The following FAT4 variants were observed in gnomAD, a reference collection of about 807,000 sequenced individuals.
The protein encoded by FAT4 is FAT atypical cadherin 4, also known as protocadherin Fat 4.
A neutral mutation model predicts 303.9 loss-of-function variants in FAT4; 84 were observed. The ratio of observed to expected loss-of-function variants is 0.28; its 90% CI spans 0.23 to 0.33. FAT4 has a LOEUF of 0.33. Ranked by LOEUF, FAT4 falls within the 10% of genes least tolerant of loss-of-function variation. FAT4 has a pLI of 1.00. For synonymous variants in FAT4, 2,307 were observed against 2,298.8 expected (o/e 1.00, Z -0.10); for missense variants, 6,005 against 6,146.8 (o/e 0.98, Z 0.77).
intron 2 of FAT4, among the ~76,000 whole-genome samples, chr4:125,345,941 T>G (rs2125973075): frequency 6.6e-6 from 1 of 152,202 alleles, no homozygotes; most frequent in South Asian, 2.1e-4. Flanking sequence ...GTTTTCTTAT[T>G]TAATTTGCTT....
chr4:125,476,320 C>G, intron 13 of FAT4, 64 bp downstream of exon 13: 1 of 857,056 alleles, frequency 1.2e-6, no homozygotes, highest in Non-Finnish European at 1.8e-6. Flanking sequence ...AACTTTATAC[C>G]TAAAAATAAT....
At position 125,398,873 on chromosome 4, in the gene FAT4, T is replaced by C. The variant is rs2126012754; in HGVS notation, c.5265T>C (p.Asp1755=). The change falls in exon 3 of 18, where the codon GAT becomes GAC. Residue 1755 remains aspartate (D), a synonymous_variant. Transcript: ENST00000394329. ...LDLTVEENIG[D]GSKIMQLTAM... is the part of the protein sequence containing the mutation. ...TCACGGTAGAGGAGAACATTGGAGA[T>C]GGCTCTAAGATTATGCAGCTGACAG... The C allele has an allele frequency of 6.2e-7, 1 of 1,613,334 alleles. No individual in the cohort carries two copies. The highest frequency in any genetic ancestry group is 8.5e-7 in the Non-Finnish European group (1 of 1,179,438).
At chr4:125,360,393 T>C (rs1732607760) in intron 2 of FAT4, among the ~76,000 whole-genome samples, 1 of 152,136 alleles carries the variant, frequency 6.6e-6, no homozygotes, top group Non-Finnish European at 1.5e-5. Context: ...CACACAGGCT[T>C]GTAAGGAGGA....
chr4:125,317,188 G>T lies in FAT4; in HGVS notation c.777G>T (p.Val259=). The T allele has an allele frequency of 6.3e-7, 1 of 1,595,892 alleles. No individual in the cohort carries two copies. Among genetic ancestry groups the T allele is most frequent in the South Asian group, 1.1e-5 (1 of 89,128 alleles). The part of the protein sequence containing the change: ...VFGSSHYQAG[V]PEDAVVGSSV... ...GCAGTTCTCACTACCAGGCGGGGGT[G>T]CCTGAGGACGCGGTTGTGGGTTCCA... Residue 259 remains valine, a synonymous_variant, in exon 2 of 18, where the codon GTG becomes GTT. Coordinates refer to ENST00000394329, the MANE Select transcript of FAT4 (RefSeq NM_001291303.3). The surrounding 1 kb of genome is among the most constrained non-coding windows in gnomAD (Gnocchi z 7.0).
chr4:125,430,958 G>A (rs1725263183), intron 7 of FAT4, among the ~76,000 whole-genome samples: 1 of 152,164 alleles, frequency 6.6e-6, no homozygotes. Flanking sequence ...CAGTGAGACT[G>A]AACTTGCTGT....
In FAT4 at chr4:125,491,537, C is replaced by G; in HGVS notation, c.14721C>G (p.Thr4907=). The G allele has an allele frequency of 6.2e-7, 1 of 1,614,134 alleles. No homozygotes were observed. Among genetic ancestry groups the G allele is most frequent in the South Asian group, 1.1e-5 (1 of 91,078 alleles). The change falls in exon 18 of 18, where the codon ACC becomes ACG. Residue 4907 remains threonine, a synonymous_variant. Transcript: ENST00000394329. The part of the protein sequence containing the change: ...GRRAEGGPVG[T]QAAAPGTADN... Reference sequence around the variant, plus strand: ...GGGCCGAGGGAGGACCTGTGGGCACCCAGGCAGCAGCACCAGGCACTGCTG... The same window carrying G: ...GGGCCGAGGGAGGACCTGTGGGCACGCAGGCAGCAGCACCAGGCACTGCTG...
At chr4:125,442,147 C>A (rs140416810) in intron 8 of FAT4, among the ~76,000 whole-genome samples, 1 of 152,058 alleles carries the variant, frequency 6.6e-6, no homozygotes, top group Admixed American at 6.6e-5. Context: ...TTTGTTTCTG[C>A]CTTTTTGAAC....
rs1218201522 is a variant in FAT4 at position 125,448,682 on chromosome 4, G to A, written c.7672G>A (p.Val2558Ile). ...AAAGACAGATTCTACAACAGTGACT[G>A]TTAGATTCGTGAATAAGGCCGATTT... ...FPKTDSTTVT[V>I]RFVNKADFPK... The change falls in exon 10 of 18, where the codon GTT becomes ATT. Residue 2558 changes from valine (V) to isoleucine (I), a missense_variant. Val to Ile is a conservative substitution (Grantham distance 29, BLOSUM62 3). Coordinates refer to ENST00000394329, the MANE Select transcript of FAT4 (RefSeq NM_001291303.3). The A allele has an allele frequency of 6.2e-7, 1 of 1,613,956 alleles. No individual in the cohort carries two copies. The highest frequency in any genetic ancestry group is 1.1e-5 in the South Asian group (1 of 91,080).
At chr4:125,455,384 C>T (rs970498040) in intron 10 of FAT4, among the ~76,000 whole-genome samples, 8 of 152,032 alleles carry the variant, frequency 5.3e-5, no homozygotes, top group African/African-American at 1.2e-4. Context: ...CTTTTCTAAA[C>T]GTGATAGTTG....
At chr4:125,462,600 A>C (rs1409671570) in intron 10 of FAT4, among the ~76,000 whole-genome samples, 1 of 152,010 alleles carries the variant, frequency 6.6e-6, no homozygotes, top group Non-Finnish European at 1.5e-5. Context: ...CAACAAAAAC[A>C]AGTGGGACTT....
chr4:125,322,771 A>G (rs1731005741), intron 2 of FAT4, among the ~76,000 whole-genome samples: 2 of 151,118 alleles, frequency 1.3e-5, no homozygotes, highest in South Asian at 4.2e-4. Flanking sequence ...TTTTTTTCAT[A>G]GTAGTTGGTT....
Position 125,449,468 on chromosome 4 carries a change from T to C in FAT4, c.8458T>C (p.Phe2820Leu). ...RYSIMDASLP[F>L]TINPSTGDIV... ...TTCTATAATGGATGCAAGTCTTCCA[T>C]TTACAATTAATCCCAGCACAGGGGA... Residue 2820 changes from phenylalanine to leucine, a missense_variant, in exon 10 of 18, where the codon TTT (phenylalanine) becomes CTT (leucine). Physicochemically the swap from Phe to Leu is conservative, Grantham distance 22. Coordinates refer to ENST00000394329, the MANE Select transcript of FAT4 (RefSeq NM_001291303.3). 1 of 1,613,874 alleles carries C rather than the reference T, an allele frequency of 6.2e-7. No individual in the cohort carries two copies. Among genetic ancestry groups the C allele is most frequent in the Non-Finnish European group, 8.5e-7 (1 of 1,179,842 alleles).
intron 2 of FAT4, among the ~76,000 whole-genome samples, chr4:125,357,932 T>C (rs1299993870): frequency 3.9e-5 from 6 of 152,138 alleles, no homozygotes; most frequent in African/African-American, 1.2e-4. Context: ...AGCTAACTAC[T>C]TCATAGAGCT....
chr4:125,463,815 T>C (rs1438577258), intron 11 of FAT4, 148 bp downstream of exon 11: 2 of 509,584 alleles, frequency 3.9e-6, no homozygotes, highest in Admixed American at 7.0e-5. Flanking sequence ...TGTTTAACAT[T>C]TGTAAAAGTT....
chr4:125,392,665 C>T (rs1488015629), intron 2 of FAT4, among the ~76,000 whole-genome samples: 1 of 152,138 alleles, frequency 6.6e-6, no homozygotes, highest in African/African-American at 2.4e-5. Context: ...CGAACTCTCA[C>T]AGATTATTTT....
chr4:125,384,312 G>C (rs1733655971), intron 2 of FAT4, among the ~76,000 whole-genome samples: 1 of 152,010 alleles, frequency 6.6e-6, no homozygotes, highest in Non-Finnish European at 1.5e-5. Context: ...TTTGATTTTT[G>C]TATGTACTCA....
intron 16 of FAT4, among the ~76,000 whole-genome samples, chr4:125,484,270 T>C (rs903516078): frequency 3.3e-5 from 5 of 151,918 alleles, no homozygotes; most frequent in African/African-American, 4.8e-5. Context: ...AAAGAAAAAA[T>C]TAAGAAAAGA....
chr4:125,398,498 T>C (rs1734264162), intron 2 of FAT4, among the ~76,000 whole-genome samples: 1 of 152,160 alleles, frequency 6.6e-6, no homozygotes, highest in Non-Finnish European at 1.5e-5. Context: ...AATCTGGGGA[T>C]TAAAATGACA....
intron 17 of FAT4, among the ~76,000 whole-genome samples, 190 bp downstream of exon 17, chr4:125,487,796 T>A (rs1282544290): frequency 6.6e-6 from 1 of 152,202 alleles, no homozygotes; most frequent in East Asian, 1.9e-4. Context: ...CCTAAGAATG[T>A]CATAACTATC....
Sources: gnomAD v4.1 joint callset for allele counts (sites outside exome capture counted in the v4.1 genomes callset) on GRCh38, gnomAD v4.1.1 for gene constraint, Gnocchi (gnomAD v3.1) non-coding constraint, MANE v1.5 for transcripts, NCBI Gene and HGNC (gene_info 2026-07-23, HGNC 2026-07-21) for gene names.